RIC1: variants seen among roughly 807,000 people sequenced by gnomAD.
RIC1 encodes the protein guanine nucleotide exchange factor subunit RIC1.
In RIC1, 88 loss-of-function variants were observed where a neutral mutation model predicts 169.0. The observed-to-expected ratio is 0.52, with a 90% CI of 0.44 to 0.62. RIC1 has a LOEUF of 0.62. Among genes scored for constraint, RIC1 ranks in the 20% least tolerant of loss-of-function variants. RIC1 has a pLI of 0.00. For synonymous variants in RIC1, 790 were observed against 601.5 expected, an observed-to-expected ratio of 1.31 and a Z score of -4.59; for missense variants, 1,877 against 1,725.5, an observed-to-expected ratio of 1.09 and a Z score of -1.56.
intron 6 of RIC1, 140 bp downstream of exon 6, chr9:5,720,890 G>C: frequency 2.8e-6 from 2 of 714,086 alleles, no homozygotes; most frequent in Non-Finnish European, 4.4e-6. Flanking sequence ...CATATAAATA[G>C]TATAAGTAGA....
Position 5,738,577 on chromosome 9 carries a change from A to AT in RIC1, c.901+40dup, listed in dbSNP as rs754508450. 2.5e-5 allele frequency: 30 copies of AT among 1,190,062 alleles called. No individual in the cohort carries two copies. In the South Asian group the frequency reaches 3.9e-4, roughly 15 times the overall value. The allele number at this position is 1,190,062 out of a possible 1,614,324, so 73.7% of individuals were successfully genotyped here. A position where few individuals can be genotyped will look rare whatever the true frequency, so the allele number is the denominator to read the frequency against. On this transcript the variant is annotated intron_variant, in intron 8 of 25. Coordinates refer to ENST00000414202, the MANE Select transcript of RIC1 (RefSeq NM_020829.4). ...TTTTTTTTTTTTTTTAACATTTTTA[A>AT]TGTACTGGTATTGCCATTTGTAGCA...
At chr9:5,668,519 T>A (rs1456340019) in intron 2 of RIC1, among the ~76,000 whole-genome samples, 1 of 152,194 alleles carries the variant, frequency 6.6e-6, no homozygotes, top group East Asian at 1.9e-4. Flanking sequence ...CTATATTATG[T>A]ATGTTGTTGT....
chr9:5,754,149 T>A (rs1188113142), intron 14 of RIC1, among the ~76,000 whole-genome samples: 1 of 152,174 alleles, frequency 6.6e-6, no homozygotes, highest in Admixed American at 6.5e-5. Context: ...ATCTTACTCA[T>A]CTGCACAGCA....
At chr9:5,669,170 C>G (rs1416514561) in intron 2 of RIC1, among the ~76,000 whole-genome samples, 1 of 152,134 alleles carries the variant, frequency 6.6e-6, no homozygotes, top group Non-Finnish European at 1.5e-5. Context: ...TGTTGCCAGC[C>G]AGTCATGTAA....
intron 4 of RIC1, among the ~76,000 whole-genome samples, chr9:5,719,929 T>C (rs879480307): frequency 7.2e-5 from 11 of 152,230 alleles, no homozygotes; most frequent in Admixed American, 7.2e-4. Context: ...ATTTGCTGTT[T>C]CAATATTTGT....
chr9:5,771,621 A>G (rs1224342127), intron 23 of RIC1, among the ~76,000 whole-genome samples: 1 of 152,142 alleles, frequency 6.6e-6, no homozygotes, highest in South Asian at 2.1e-4. Flanking sequence ...CAACTGCACC[A>G]TTTTAAATTA....
intron 2 of RIC1, among the ~76,000 whole-genome samples, chr9:5,672,330 A>G (rs1018125306): frequency 2.6e-5 from 4 of 152,238 alleles, no homozygotes; most frequent in Non-Finnish European, 1.5e-5. Context: ...TTGATGAGCC[A>G]CAGGGATGAG....
At chr9:5,639,398 A>G (rs539014280) in intron 1 of RIC1, among the ~76,000 whole-genome samples, 20 of 152,300 alleles carry the variant, frequency 1.3e-4, no homozygotes, top group African/African-American at 4.6e-4. Flanking sequence ...CCAAGTGTTT[A>G]TATGATTTCC....
intron 11 of RIC1, 82 bp from the exon 12 acceptor site, chr9:5,747,220 G>A (rs961891728): frequency 1.0e-6 from 1 of 996,246 alleles, no homozygotes; most frequent in Non-Finnish European, 1.6e-6. Flanking sequence ...CTAAATCGAT[G>A]TGTTATTTTT....
At chr9:5,707,913 A>C (rs1246233209) in intron 3 of RIC1, among the ~76,000 whole-genome samples, 1 of 151,850 alleles carries the variant, frequency 6.6e-6, no homozygotes, top group Admixed American at 6.6e-5. Context: ...CCATTTTGCT[A>C]TTTGTTTTCT....
chr9:5,708,657 C>T (rs750695129), intron 3 of RIC1, among the ~76,000 whole-genome samples: 5 of 152,088 alleles, frequency 3.3e-5, no homozygotes, highest in Non-Finnish European at 7.4e-5. Flanking sequence ...GAGTCACATA[C>T]ATCTCTTGCT....
intron 15 of RIC1, 80 bp downstream of exon 15, chr9:5,755,010 T>A: frequency 1.1e-6 from 1 of 882,874 alleles, no homozygotes; most frequent in Non-Finnish European, 1.7e-6. Context: ...TAGAAAATAG[T>A]CGATTGAAAA....
intron 2 of RIC1, among the ~76,000 whole-genome samples, chr9:5,657,856 A>T (rs190125964): frequency 1.3e-5 from 2 of 152,286 alleles, no homozygotes; most frequent in Admixed American, 1.3e-4. Context: ...TCAAAGAAGA[A>T]TATTTGCTAC....
At chr9:5,677,628 G>C (rs987198265) in intron 2 of RIC1, among the ~76,000 whole-genome samples, 1 of 151,436 alleles carries the variant, frequency 6.6e-6, no homozygotes, top group Non-Finnish European at 1.5e-5. Context: ...CTCCAACTTT[G>C]TTCATTTTCA....
chr9:5,766,262 G>A (rs1225880528), intron 21 of RIC1, among the ~76,000 whole-genome samples: 6 of 152,086 alleles, frequency 3.9e-5, no homozygotes, highest in African/African-American at 9.7e-5. Flanking sequence ...GGCTAGTCTC[G>A]AACTCCTGGC....
rs769396873 is a variant in RIC1, at chr9:5,720,629, G to A, written c.599G>A (p.Gly200Asp). 17 of 1,598,784 alleles carry A rather than the reference G, an allele frequency of 1.1e-5. No homozygotes were observed. The highest frequency in any genetic ancestry group is 3.6e-5 in the Admixed American group (2 of 55,750). Reference sequence around the variant, plus strand: ...TTTTCATCAGTAGGTTCATTCCTGGGCTTCACAGACGTACACATCAGAGAC... The same window carrying A: ...TTTTCATCAGTAGGTTCATTCCTGGACTTCACAGACGTACACATCAGAGAC... ...LQSSRVGSFL[G>D]FTDVHIRDME... Residue 200 changes from glycine (G) to aspartate (D), a missense_variant, in exon 6 of 26, where the codon GGC becomes GAC. Transcript: ENST00000414202.
chr9:5,647,993 T>TGGTG (rs1563867122), intron 1 of RIC1, among the ~76,000 whole-genome samples: 22 of 120,760 alleles, frequency 1.8e-4, no homozygotes, highest in African/African-American at 9.1e-4. Flanking sequence ...GTGGTGGTGG[T>TGGTG]AGTGGTAGTG....
intron 7 of RIC1, among the ~76,000 whole-genome samples, chr9:5,733,003 C>G (rs1429367882): frequency 1.3e-5 from 2 of 151,902 alleles, no homozygotes; most frequent in African/African-American, 2.4e-5. Flanking sequence ...AGCCATAGTT[C>G]TAAGCACTTG....
At chr9:5,677,388 T>A (rs1438546213) in intron 2 of RIC1, among the ~76,000 whole-genome samples, 1 of 152,218 alleles carries the variant, frequency 6.6e-6, no homozygotes, top group African/African-American at 2.4e-5. Flanking sequence ...TGATTTCTTG[T>A]TGTTAAGTTC....
Sources: allele counts gnomAD v4.1 joint callset (sites outside exome capture counted in the v4.1 genomes callset), GRCh38; gene constraint gnomAD v4.1.1; transcripts MANE v1.5; gene names NCBI Gene and HGNC (gene_info 2026-07-23, HGNC 2026-07-21).